Variants in DACH2 observed in about 807,000 individuals in gnomAD.
DACH2 encodes the protein dachshund homolog 2.
DACH2 carries 17 observed loss-of-function variants against 35.8 expected under a neutral mutation model. The observed-to-expected ratio is 0.48, with a 90% CI of 0.33 to 0.71. DACH2 has a LOEUF of 0.71. Ranked by LOEUF, DACH2 falls within the 30% of genes least tolerant of loss-of-function variation. DACH2 has a pLI of 0.02. For missense variants in DACH2, 469 were observed against 472.7 expected (o/e 0.99, Z 0.07); for synonymous variants, 195 against 177.3 (o/e 1.10, Z -0.79).
intron 2 of DACH2, among the ~76,000 whole-genome samples, chrX:86,450,903 T>A (rs1277258442): frequency 9.0e-6 from 1 of 111,486 alleles, no homozygotes. Flanking sequence ...CTTTGCCAAC[T>A]TTTTCATGGG....
chrX:86,281,240 G>A (rs765115178), intron 1 of DACH2, among the ~76,000 whole-genome samples: 3 of 111,325 alleles, frequency 2.7e-5, no homozygotes, highest in Non-Finnish European at 3.8e-5. Context: ...ACATCAGTGC[G>A]AAAATTCTCA....
At chrX:86,806,399 C>T (rs1168317400) in intron 7 of DACH2, among the ~76,000 whole-genome samples, 2 of 111,440 alleles carry the variant, frequency 1.8e-5, no homozygotes, top group Admixed American at 1.9e-4. Flanking sequence ...AATCACCTCA[C>T]ACCAGGCCTC....
intron 4 of DACH2, among the ~76,000 whole-genome samples, chrX:86,656,035 C>A (rs1479997009): frequency 1.0e-5 from 1 of 100,338 alleles, no homozygotes; most frequent in Non-Finnish European, 2.0e-5. Context: ...AAGCTCCCCC[C>A]CCCCACTAAT....
chrX:86,209,005 G>C (rs1296962930), intron 1 of DACH2, among the ~76,000 whole-genome samples: 1 of 111,393 alleles, frequency 9.0e-6, no homozygotes, highest in Non-Finnish European at 1.9e-5. Flanking sequence ...CTATTTCATA[G>C]GCATGAAGCT....
chrX:86,266,227 A>G (rs1378354100), intron 1 of DACH2, among the ~76,000 whole-genome samples: 2 of 111,455 alleles, frequency 1.8e-5, no homozygotes, highest in Non-Finnish European at 3.8e-5. Context: ...TGGATTTCTA[A>G]CAAGTTCCCA....
chrX:86,395,165 G>A lies in DACH2; in HGVS notation c.527+18303G>A, dbSNP rs920586282. 4.5e-5 allele frequency among the ~76,000 whole-genome samples: 5 copies of A among 111,013 alleles called. No individual in the cohort carries two copies. The Admixed American group carries it at 4.8e-4, about 11-fold the overall frequency. ...ATGAACATCCTCTCTGATTTATAATGATGATCTCTAACATATAGCCCCATT... is the reference window on the plus strand; with the variant it reads ...ATGAACATCCTCTCTGATTTATAATAATGATCTCTAACATATAGCCCCATT... On this transcript the variant is annotated intron_variant, in intron 2 of 11. Coordinates refer to ENST00000373125, the MANE Select transcript of DACH2 (RefSeq NM_053281.3).
intron 2 of DACH2, among the ~76,000 whole-genome samples, chrX:86,504,915 G>A (rs899960412): frequency 9.0e-6 from 1 of 111,670 alleles, no homozygotes; most frequent in Admixed American, 9.5e-5. Flanking sequence ...GTAAGGAATG[G>A]GGAAGGGAAA....
At chrX:86,490,869 G>A (rs2038084009) in intron 2 of DACH2, among the ~76,000 whole-genome samples, 1 of 111,015 alleles carries the variant, frequency 9.0e-6, no homozygotes, top group Admixed American at 9.7e-5. Context: ...CTAATTTACT[G>A]AACAAAGTCA....
chrX:86,714,943 G>C (rs1180600120), intron 6 of DACH2, among the ~76,000 whole-genome samples: 1 of 111,552 alleles, frequency 9.0e-6, no homozygotes, highest in Non-Finnish European at 1.9e-5. Context: ...TCTATTTCCT[G>C]TCTTGCAATC....
At chrX:86,787,172 A>T (rs1478900732) in intron 7 of DACH2, among the ~76,000 whole-genome samples, 1 of 112,275 alleles carries the variant, frequency 8.9e-6, no homozygotes, top group African/African-American at 3.2e-5. Flanking sequence ...GCCTTTAAAG[A>T]GGGATTGAAA....
intron 1 of DACH2, among the ~76,000 whole-genome samples, chrX:86,300,139 A>G (rs916971436): frequency 1.8e-5 from 2 of 111,034 alleles, no homozygotes; most frequent in Non-Finnish European, 3.8e-5. Flanking sequence ...ACTTATTCTA[A>G]CTCTATGTTT....
At chrX:86,679,791 G>A (rs975098633) in intron 4 of DACH2, among the ~76,000 whole-genome samples, 6 of 110,723 alleles carry the variant, frequency 5.4e-5, no homozygotes, top group African/African-American at 2.0e-4. Context: ...AATAAGCCGA[G>A]CCTGTGTGGT....
intron 3 of DACH2, among the ~76,000 whole-genome samples, chrX:86,633,048 A>G (rs1279029658): frequency 9.1e-6 from 1 of 110,238 alleles, no homozygotes; most frequent in Non-Finnish European, 1.9e-5. Context: ...AGCAAACCAA[A>G]CTCCCAACCC....
At chrX:86,332,199 A>T (rs768112339) in intron 1 of DACH2, among the ~76,000 whole-genome samples, 9 of 111,400 alleles carry the variant, frequency 8.1e-5, no homozygotes, top group Admixed American at 1.9e-4. Flanking sequence ...TATGTCCCTT[A>T]GTGGTCGGAG....
chrX:86,513,013 C>A, intron 2 of DACH2: 1 of 301,218 alleles, frequency 3.3e-6, no homozygotes, highest in Non-Finnish European at 6.3e-6. Flanking sequence ...TATTGATGTA[C>A]AGTGGAAGAA....
Position 86,315,838 on chromosome X carries a change from CACAG to C in DACH2, c.489-60984_489-60981del, listed in dbSNP as rs1161144552. 3.4e-3 allele frequency among the ~76,000 whole-genome samples: 261 copies of C among 77,027 alleles called. 2 individuals are homozygous for C. The highest frequency in any genetic ancestry group is 6.5e-3 in the Middle Eastern group (1 of 155). The allele number at this position is 77,027 out of a possible 115,157, so 66.9% of individuals were successfully genotyped here. ...ACACACACACACACACACACACACA[CACAG>C]AGAGAGAGAGGGAGATTGGAGCAGG... On this transcript the variant is annotated intron_variant, in intron 1 of 11. Transcript: ENST00000373125.
intron 2 of DACH2, among the ~76,000 whole-genome samples, chrX:86,452,424 G>A (rs1388944523): frequency 9.0e-6 from 1 of 111,178 alleles, no homozygotes; most frequent in Non-Finnish European, 1.9e-5. Context: ...TGTACCTCTG[G>A]TAGTATTTGG....
chrX:86,612,068 G>A (rs1057103973), intron 3 of DACH2, among the ~76,000 whole-genome samples: 4 of 107,420 alleles, frequency 3.7e-5, no homozygotes, highest in African/African-American at 6.8e-5. Flanking sequence ...GTCAACAGGT[G>A]ATGAATACTG....
intron 5 of DACH2, among the ~76,000 whole-genome samples, chrX:86,712,495 T>C (rs2041290273): frequency 9.1e-6 from 1 of 110,040 alleles, no homozygotes. Context: ...TAGCTTTATT[T>C]AATTATCCCA....
Sources: gnomAD v4.1 joint callset for allele counts (sites outside exome capture counted in the v4.1 genomes callset) on GRCh38, gnomAD v4.1.1 for gene constraint, MANE v1.5 for transcripts, NCBI Gene and HGNC (gene_info 2026-07-23, HGNC 2026-07-21) for gene names.